The following CPVL variants were observed in gnomAD, a reference collection of about 807,000 sequenced individuals.
CPVL encodes the protein probable serine carboxypeptidase CPVL.
A neutral mutation model predicts 63.7 loss-of-function variants in CPVL; 51 were observed. The ratio of observed to expected loss-of-function variants is 0.80; its 90% CI spans 0.64 to 1.01. The LOEUF (loss-of-function observed/expected upper bound fraction) is 1.01. Ranked by LOEUF, CPVL falls within the 50% of genes least tolerant of loss-of-function variation. CPVL has a pLI of 0.00. For missense variants in CPVL, 530 were observed against 573.1 expected, an observed-to-expected ratio of 0.92 and a Z score of 0.77; for synonymous variants, 195 against 206.0, an observed-to-expected ratio of 0.95 and a Z score of 0.46.
At chr7:29,105,552 C>T (rs1787643184) in intron 3 of CPVL, among the ~76,000 whole-genome samples, 1 of 152,204 alleles carries the variant, frequency 6.6e-6, no homozygotes, top group African/African-American at 2.4e-5. Context: ...ACCACATGTC[C>T]AGCCCTTGGT....
At chr7:29,129,006 T>A (rs1410386068) in intron 1 of CPVL, among the ~76,000 whole-genome samples, 2 of 152,180 alleles carry the variant, frequency 1.3e-5, no homozygotes, top group Non-Finnish European at 2.9e-5. Flanking sequence ...GTGTTAGCAT[T>A]TTATTCTAAT....
chr7:29,002,370 G>A (rs908804731), intron 12 of CPVL, among the ~76,000 whole-genome samples: 3 of 152,066 alleles, frequency 2.0e-5, no homozygotes, highest in African/African-American at 7.2e-5. Context: ...TGAATCAATC[G>A]TCTCAATCCC....
At chr7:29,123,090 A>G (rs1247360417) in intron 1 of CPVL, among the ~76,000 whole-genome samples, 1 of 152,258 alleles carries the variant, frequency 6.6e-6, no homozygotes, top group Admixed American at 6.5e-5. Flanking sequence ...TTATGCAAAT[A>G]TAATGCCTGC....
intron 1 of CPVL, chr7:29,145,968 G>A (rs73090823): frequency 0.02 from 3,043 of 152,240 alleles, 62 homozygotes; most frequent in Non-Finnish European, 0.034. Context: ...CTTTGGGCAC[G>A]TTCAAAATAG....
At chr7:29,127,580 G>C (rs1379663107) in intron 1 of CPVL, 1 of 152,222 alleles carries the variant, frequency 6.6e-6, no homozygotes. Context: ...CCTTGGCACA[G>C]TGAGTATTTT....
rs192832391 is a variant in CPVL, at chr7:29,172,476, T to G, written c.-11+8814A>C. On this transcript the variant is annotated intron_variant, in intron 5 of 16. Coordinates refer to the CPVL transcript ENST00000409850. ...CACCCATTTATCATCCAAAAAAAAT[T>G]ATTAAAAATAACCAAGCCTTCAGAT... is the stretch of plus-strand genomic sequence containing the variant. Among the ~76,000 whole-genome samples, 429 of 152,318 alleles carry G rather than the reference T, an allele frequency of 2.8e-3. 2 individuals are homozygous for G. Among genetic ancestry groups the G allele is most frequent in the African/African-American group, 9.7e-3 (402 of 41,576 alleles).
chr7:29,172,977 A>G (rs2128727746), intron 5 of CPVL, among the ~76,000 whole-genome samples: 1 of 152,100 alleles, frequency 6.6e-6, no homozygotes, highest in East Asian at 1.9e-4. Flanking sequence ...CTAAAAATAC[A>G]AAAATTAGCT....
At chr7:29,128,896 T>C (rs2128654384) in intron 1 of CPVL, among the ~76,000 whole-genome samples, 1 of 152,220 alleles carries the variant, frequency 6.6e-6, no homozygotes, top group African/African-American at 2.4e-5. Flanking sequence ...AGGTGCTTAC[T>C]GTGGGTTGGC....
Position 29,072,295 on chromosome 7 carries a change from A to ACCTACTGATT in CPVL, c.728_732+5dup, listed in dbSNP as rs1562754233. 1 of 1,613,916 alleles carries ACCTACTGATT rather than the reference A, an allele frequency of 6.2e-7. No homozygotes were observed. Among genetic ancestry groups the ACCTACTGATT allele is most frequent in the Admixed American group, 1.7e-5 (1 of 60,010 alleles). On this transcript the variant is annotated splice_donor_region_variant and intron_variant, in intron 8 of 12. Transcript: ENST00000265394. ...ACAAAATAGAAAGTCAGAAGGAGAA[A>ACCTACTGATT]CCTACTGATTCGGGATCAGAATATC...
chr7:29,112,858 G>A (rs753786373), intron 2 of CPVL, 36 bp from the exon 3 acceptor site: 2 of 1,406,568 alleles, frequency 1.4e-6, no homozygotes, highest in Non-Finnish European at 2.0e-6. Context: ...AAGGATTACA[G>A]AAAACAATAA....
chr7:29,184,640 C>G (rs1171778634), intron 3 of CPVL: 1 of 152,208 alleles, frequency 6.6e-6, no homozygotes, highest in Non-Finnish European at 1.5e-5. Flanking sequence ...TCTGTTTTCT[C>G]CAGGCCTTCA....
intron 7 of CPVL, among the ~76,000 whole-genome samples, chr7:29,084,404 TCAGA>T (rs1785017043): frequency 6.6e-6 from 1 of 152,342 alleles, no homozygotes; most frequent in South Asian, 2.1e-4. Context: ...CATTATCTCG[TCAGA>T]CAATCTTATC....
chr7:29,119,914 G>A (rs537424467), intron 2 of CPVL, among the ~76,000 whole-genome samples: 3 of 152,274 alleles, frequency 2.0e-5, no homozygotes, highest in African/African-American at 7.2e-5. Context: ...CCGGGATGTT[G>A]AGATGTTTAA....
intron 12 of CPVL, among the ~76,000 whole-genome samples, chr7:28,997,233 G>A (rs912194730): frequency 3.9e-5 from 6 of 152,190 alleles, no homozygotes; most frequent in Admixed American, 3.9e-4. Flanking sequence ...AGAATGGACA[G>A]GAGGTACCAG....
At chr7:29,143,968 ACTGT>A (rs1369081872) in intron 1 of CPVL, among the ~76,000 whole-genome samples, 7 of 152,324 alleles carry the variant, frequency 4.6e-5, no homozygotes, top group Admixed American at 4.6e-4. Flanking sequence ...TGTCTTGTGA[ACTGT>A]CTATTAAGGC....
intron 3 of CPVL, among the ~76,000 whole-genome samples, chr7:29,106,791 A>C (rs1787762689): frequency 6.6e-6 from 1 of 152,200 alleles, no homozygotes; most frequent in Admixed American, 6.5e-5. Flanking sequence ...GCCACAGCCT[A>C]GAAGTACAAG....
chr7:29,114,910 C>T (rs1356312214), intron 2 of CPVL, among the ~76,000 whole-genome samples: 2 of 152,164 alleles, frequency 1.3e-5, no homozygotes, highest in African/African-American at 4.8e-5. Flanking sequence ...TGACTAGGAA[C>T]AGGGAGCACC....
Position 29,172,242 on chromosome 7 carries a change from G to A in CPVL, c.-11+9048C>T, listed in dbSNP as rs75527974. Among the ~76,000 whole-genome samples, 689 of 152,184 alleles carry A rather than the reference G, an allele frequency of 4.5e-3. 3 individuals are homozygous for A. The highest frequency in any genetic ancestry group is 0.016 in the African/African-American group (661 of 41,520). ...CAGCACCACCTACTCTCCAGCATCC[G>A]GCCCACTGAGTTCTTGAAAGCATGG... is the stretch of plus-strand genomic sequence containing the variant. On this transcript the variant is annotated intron_variant, in intron 5 of 16. Transcript: ENST00000409850.
chr7:29,126,624 C>T (rs1790053121), intron 1 of CPVL: 1 of 152,186 alleles, frequency 6.6e-6, no homozygotes, highest in South Asian at 2.1e-4. Flanking sequence ...AAACAAAGAG[C>T]AGGTATTTAA....
Sources: allele counts gnomAD v4.1 joint callset (sites outside exome capture counted in the v4.1 genomes callset), GRCh38; gene constraint gnomAD v4.1.1; transcripts MANE v1.5; gene names NCBI Gene and HGNC (gene_info 2026-07-23, HGNC 2026-07-21).